AIDA: variants seen among roughly 807,000 people sequenced by gnomAD.
AIDA encodes the protein axin interactor, dorsalization-associated protein.
In AIDA, 18 loss-of-function variants were observed where a neutral mutation model predicts 42.7. That is an observed-to-expected ratio of 0.42 (90% confidence interval 0.29 to 0.63). AIDA has a LOEUF of 0.63. Among genes scored for constraint, AIDA ranks in the 20% least tolerant of loss-of-function variants. The probability of loss-of-function intolerance (pLI) is 0.19; values close to 1 mark genes in which losing one functional copy is unlikely to be tolerated. For missense variants in AIDA, 250 were observed against 354.1 expected (o/e 0.71, Z 2.36); for synonymous variants, 104 against 122.9 (o/e 0.85, Z 1.02).
In AIDA at chr1:222,703,233, A is replaced by C. The variant is rs1195689025; in HGVS notation, c.111-16T>G. On this transcript the variant is annotated splice_polypyrimidine_tract_variant and intron_variant, in intron 1 of 9. Transcript: ENST00000340020. The stretch of plus-strand genomic sequence containing the variant: ...TCTTGCTAATCTGTAAGAAGAAAAC[A>C]TATTCTTTAGAATGGAAGAAAAGCA... 1.9e-6 allele frequency: 3 copies of C among 1,590,612 alleles called. No homozygotes were observed. Among genetic ancestry groups the C allele is most frequent in the East Asian group, 4.5e-5 (2 of 44,496 alleles).
At chr1:222,711,041 C>T (rs1235607237) in intron 1 of AIDA, among the ~76,000 whole-genome samples, 1 of 149,350 alleles carries the variant, frequency 6.7e-6, no homozygotes, top group Non-Finnish European at 1.5e-5. Context: ...TTTAGATCTT[C>T]CAAGTACCAA....
chr1:222,692,107 T>A lies in AIDA; in HGVS notation c.289+1682A>T, dbSNP rs75447334. On this transcript the variant is annotated intron_variant, in intron 4 of 9. Transcript: ENST00000340020. The stretch of plus-strand genomic sequence containing the variant: ...AATTATAGAATAACAGGGATTCCAA[T>A]GTCCTTTAAAAACAGGATTTACCTT... Among the ~76,000 whole-genome samples, 1,384 of 152,330 alleles carry A rather than the reference T, an allele frequency of 9.1e-3. 11 individuals are homozygous for A. The highest frequency in any genetic ancestry group is 0.013 in the Non-Finnish European group (910 of 68,026).
At chr1:222,702,991 C>G (rs962343221) in intron 2 of AIDA, among the ~76,000 whole-genome samples, 157 bp downstream of exon 2, 1 of 152,214 alleles carries the variant, frequency 6.6e-6, no homozygotes, top group Admixed American at 6.5e-5. Context: ...TAAATAATCA[C>G]TTAATGTTAG....
chr1:222,686,506 C>G (rs892257853), intron 6 of AIDA, among the ~76,000 whole-genome samples: 2 of 152,218 alleles, frequency 1.3e-5, no homozygotes, highest in Non-Finnish European at 2.9e-5. Context: ...GTGCATTTCA[C>G]ATGTTGTCAC....
chr1:222,698,982 C>T (rs528723759), intron 2 of AIDA, among the ~76,000 whole-genome samples: 19 of 152,092 alleles, frequency 1.2e-4, no homozygotes, highest in Admixed American at 8.5e-4. Flanking sequence ...CCCGCCACCA[C>T]GCCTGGCTAA....
In AIDA at chr1:222,710,603, C is replaced by T. The variant is rs139024149; in HGVS notation, c.110+1605G>A. Among the ~76,000 whole-genome samples the T allele has an allele frequency of 9.9e-3, 1,511 of 152,294 alleles. 27 individuals are homozygous for T. Among genetic ancestry groups the T allele is most frequent in the African/African-American group, 0.034 (1,422 of 41,546 alleles). On this transcript the variant is annotated intron_variant, in intron 1 of 9. Transcript: ENST00000340020. ...TACATAGGTGCTTACTAATTGGCTACAGTATGGAAGGGTGTGTTCTCCAGT... is the reference window on the plus strand; with the variant it reads ...TACATAGGTGCTTACTAATTGGCTATAGTATGGAAGGGTGTGTTCTCCAGT...
At chr1:222,681,767 G>A (rs1478425567) in intron 6 of AIDA, among the ~76,000 whole-genome samples, 1 of 152,206 alleles carries the variant, frequency 6.6e-6, no homozygotes, top group African/African-American at 2.4e-5. Context: ...ACCATGGGGA[G>A]GGGATGTGGA....
At chr1:222,692,568 T>C (rs1655400397) in intron 4 of AIDA, among the ~76,000 whole-genome samples, 1 of 152,196 alleles carries the variant, frequency 6.6e-6, no homozygotes, top group Non-Finnish European at 1.5e-5. Context: ...GTAACAAAAT[T>C]TGCCATGCCC....
At chr1:222,681,280 AT>A (rs1175259753) in intron 6 of AIDA, among the ~76,000 whole-genome samples, 2 of 152,220 alleles carry the variant, frequency 1.3e-5, no homozygotes, top group African/African-American at 4.8e-5. Flanking sequence ...AAGTGCTGCT[AT>A]CAAAATTCTC....
At chr1:222,692,188 T>C (rs1351772025) in intron 4 of AIDA, among the ~76,000 whole-genome samples, 1 of 152,196 alleles carries the variant, frequency 6.6e-6, no homozygotes, top group African/African-American at 2.4e-5. Flanking sequence ...TTTAGGAGGA[T>C]GCGGAGAAGG....
At chr1:222,708,310 C>CA (rs999693424) in intron 1 of AIDA, among the ~76,000 whole-genome samples, 3 of 146,660 alleles carry the variant, frequency 2.0e-5, no homozygotes, top group East Asian at 2.1e-4. Flanking sequence ...GAATCCATCT[C>CA]AAAAAAAAAT....
At chr1:222,678,203 GT>G (rs1664588423) in intron 6 of AIDA, among the ~76,000 whole-genome samples, 158 of 15,326 alleles carry the variant, frequency 0.01, no homozygotes, top group Middle Eastern at 0.028. Context: ...ATCTTGGGGT[GT>G]GTGTGTGTGT....
intron 6 of AIDA, among the ~76,000 whole-genome samples, chr1:222,677,717 T>C (rs114239198): frequency 0.021 from 3,158 of 152,276 alleles, 102 homozygotes; most frequent in African/African-American, 0.072. Flanking sequence ...TTGATATATG[T>C]ATCTTGCTGA....
At chr1:222,689,561 ATATATATG>A (rs1161323656) in intron 4 of AIDA, among the ~76,000 whole-genome samples, 24 of 73,198 alleles carry the variant, frequency 3.3e-4, no homozygotes, top group Non-Finnish European at 7.1e-4. Flanking sequence ...ATATATATGT[ATATATATG>A]TATATATATA....
At position 222,681,187 on chromosome 1, in the gene AIDA, A is replaced by T. The variant is rs553907507; in HGVS notation, c.461-4969T>A. Among the ~76,000 whole-genome samples the T allele has an allele frequency of 1.2e-3, 176 of 152,304 alleles. 1 individual carries two copies. The highest frequency in any genetic ancestry group is 4.0e-3 in the African/African-American group (166 of 41,572). On this transcript the variant is annotated intron_variant, in intron 6 of 9. Coordinates refer to ENST00000340020, the MANE Select transcript of AIDA (RefSeq NM_022831.4). Reference sequence around the variant, plus strand: ...GATTTCACGCCCTGTCCTCACGTGTACCTCTGAGGAACTGCCCTGGGCTGT... The same window carrying T: ...GATTTCACGCCCTGTCCTCACGTGTTCCTCTGAGGAACTGCCCTGGGCTGT...
intron 1 of AIDA, among the ~76,000 whole-genome samples, chr1:222,705,148 G>A (rs1655805134): frequency 6.6e-6 from 1 of 152,184 alleles, no homozygotes; most frequent in African/African-American, 2.4e-5. Context: ...TAGCTCCACT[G>A]TGTTACTTAG....
intron 2 of AIDA, among the ~76,000 whole-genome samples, chr1:222,701,413 T>C (rs1482220890): frequency 6.6e-6 from 1 of 152,212 alleles, no homozygotes; most frequent in African/African-American, 2.4e-5. Context: ...TAAACATTTT[T>C]TAATTCCTTA....
At chr1:222,697,957 G>A (rs577830040) in intron 2 of AIDA, among the ~76,000 whole-genome samples, 29 of 151,658 alleles carry the variant, frequency 1.9e-4, no homozygotes, top group Non-Finnish European at 3.5e-4. Context: ...TTTGACTCAA[G>A]ACAGGGAAAC....
intron 6 of AIDA, among the ~76,000 whole-genome samples, chr1:222,685,885 C>T (rs1049373342): frequency 2.0e-5 from 3 of 152,198 alleles, no homozygotes; most frequent in Non-Finnish European, 4.4e-5. Context: ...TATGGCCGGG[C>T]GCAATGGCTC....
Sources: gnomAD v4.1 joint callset for allele counts (sites outside exome capture counted in the v4.1 genomes callset) on GRCh38, gnomAD v4.1.1 for gene constraint, MANE v1.5 for transcripts, NCBI Gene and HGNC (gene_info 2026-07-23, HGNC 2026-07-21) for gene names.